The following GRIK4 variants were observed in gnomAD, a reference collection of about 807,000 sequenced individuals.
GRIK4 encodes the protein glutamate receptor ionotropic, kainate 4.
GRIK4 carries 40 observed loss-of-function variants against 104.9 expected under a neutral mutation model. The observed-to-expected ratio is 0.38, with a 90% confidence interval of 0.30 to 0.50. The LOEUF (loss-of-function observed/expected upper bound fraction) is 0.50, where lower values mean the gene tolerates loss of function less well. Among genes scored for constraint, GRIK4 ranks in the 20% least tolerant of loss-of-function variants. The probability of loss-of-function intolerance (pLI) is 0.93; values close to 1 mark genes in which losing one functional copy is unlikely to be tolerated. For missense variants in GRIK4, 1,047 were observed against 1,308.1 expected, an observed-to-expected ratio of 0.80 and a Z score of 3.08; for synonymous variants, 485 against 524.9, an observed-to-expected ratio of 0.92 and a Z score of 1.04.
chr11:120,819,853 G>C lies in GRIK4; in HGVS notation c.444G>C (p.Val148=). 6.2e-7 allele frequency: 1 copy of C among 1,613,968 alleles called. No homozygotes were observed. The highest frequency in any genetic ancestry group is 8.5e-7 in the Non-Finnish European group (1 of 1,179,838). Reference sequence around the variant, plus strand: ...ACCCCAGCAACACTGACATCAGCGTGGCTGTAGCTGGGATCCTGAACTTCT... The same window carrying C: ...ACCCCAGCAACACTGACATCAGCGTCGCTGTAGCTGGGATCCTGAACTTCT... ...NLHPSNTDIS[V]AVAGILNFFN... is the part of the protein sequence containing the mutation. Residue 148 remains valine, a synonymous_variant, in exon 6 of 21, where the codon GTG becomes GTC. Coordinates refer to ENST00000527524, the MANE Select transcript of GRIK4 (RefSeq NM_014619.5). This position sits in a 1 kb window ranked among gnomAD's most constrained non-coding sequence, Gnocchi z 4.3.
chr11:120,908,897 G>A (rs1313598143), intron 13 of GRIK4, among the ~76,000 whole-genome samples: 1 of 152,258 alleles, frequency 6.6e-6, no homozygotes, highest in Non-Finnish European at 1.5e-5. Flanking sequence ...GAGGTGCAAA[G>A]CATAAAATGT....
At chr11:120,836,001 T>G (rs567007463) in intron 7 of GRIK4, among the ~76,000 whole-genome samples, 3 of 152,168 alleles carry the variant, frequency 2.0e-5, no homozygotes, top group Non-Finnish European at 2.9e-5. Context: ...AGTTTGCAAA[T>G]GAGTCACTTG....
At chr11:120,732,674 GT>G (rs1431349342) in intron 3 of GRIK4, among the ~76,000 whole-genome samples, 1 of 152,038 alleles carries the variant, frequency 6.6e-6, no homozygotes, top group African/African-American at 2.4e-5. Context: ...TTGATTTGTA[GT>G]TTTATTCCAT....
At chr11:120,584,284 G>A (rs1264159572) in intron 1 of GRIK4, among the ~76,000 whole-genome samples, 1 of 152,162 alleles carries the variant, frequency 6.6e-6, no homozygotes, top group South Asian at 2.1e-4. Context: ...TGTTATAGAT[G>A]ACTGTATTAG....
intron 1 of GRIK4, among the ~76,000 whole-genome samples, chr11:120,635,798 C>G (rs1026899101): frequency 6.6e-6 from 1 of 152,158 alleles, no homozygotes; most frequent in African/African-American, 2.4e-5. Context: ...AACATTTTCA[C>G]AAAATTATAT....
At chr11:120,703,736 T>A (rs1950587150) in intron 3 of GRIK4, among the ~76,000 whole-genome samples, 1 of 152,202 alleles carries the variant, frequency 6.6e-6, no homozygotes, top group Non-Finnish European at 1.5e-5. Context: ...TTTGGACACT[T>A]AGATTGTACC....
intron 3 of GRIK4, among the ~76,000 whole-genome samples, chr11:120,678,395 G>A (rs535970671): frequency 3.2e-4 from 49 of 152,236 alleles, no homozygotes; most frequent in Middle Eastern, 3.4e-3. Context: ...ATTTATAGTC[G>A]CTTATTTATT....
Position 120,956,793 on chromosome 11 carries a change from G to C in GRIK4, c.1714G>C (p.Glu572Gln). Reference sequence around the variant, plus strand: ...TTTCTCCCACAGGTTGACGCCCTACGAGTGGTACAGCCCACACCCATGTGC... The same window carrying C: ...TTTCTCCCACAGGTTGACGCCCTACCAGTGGTACAGCCCACACCCATGTGC... Reference protein sequence around the residue: ...LFLVARLTPYEWYSPHPCAQG... With the variant: ...LFLVARLTPYQWYSPHPCAQG... The change falls in exon 16 of 21, where the codon GAG (glutamate) becomes CAG (glutamine). Residue 572 changes from glutamate to glutamine, a missense_variant. Around this residue, in one of 3 missense-constraint regions of GRIK4, gnomAD observed 440 missense variants for 652.3 expected, o/e 0.67. Transcript: ENST00000527524. The surrounding 1 kb of genome is among the most constrained non-coding windows in gnomAD (Gnocchi z 4.6). 6.3e-7 allele frequency: 1 copy of C among 1,594,940 alleles called. No individual in the cohort carries two copies. Among genetic ancestry groups the C allele is most frequent in the Non-Finnish European group, 8.6e-7 (1 of 1,167,586 alleles).
At chr11:120,632,305 C>T (rs1180238931) in intron 1 of GRIK4, among the ~76,000 whole-genome samples, 1 of 152,114 alleles carries the variant, frequency 6.6e-6, no homozygotes, top group Non-Finnish European at 1.5e-5. Flanking sequence ...GCCTTCAGAA[C>T]GGTGAGAAAT....
chr11:120,617,709 C>T (rs928736055), intron 1 of GRIK4, among the ~76,000 whole-genome samples: 1 of 152,172 alleles, frequency 6.6e-6, no homozygotes, highest in Admixed American at 6.5e-5. Context: ...ACCTCCCCCA[C>T]TCTTCCTCCT....
chr11:120,648,269 G>A (rs543588047), intron 1 of GRIK4, among the ~76,000 whole-genome samples: 3 of 152,358 alleles, frequency 2.0e-5, no homozygotes, highest in East Asian at 3.9e-4. Flanking sequence ...CAGAGGGAAG[G>A]TGATGGGCCC....
At chr11:120,636,950 A>G (rs1435093649) in intron 1 of GRIK4, among the ~76,000 whole-genome samples, 5 of 152,204 alleles carry the variant, frequency 3.3e-5, no homozygotes, top group Non-Finnish European at 5.9e-5. Context: ...AGAGGTGTCT[A>G]TGAGTTTCCC....
intron 11 of GRIK4, among the ~76,000 whole-genome samples, chr11:120,896,771 G>A (rs1942594208): frequency 6.6e-6 from 1 of 152,252 alleles, no homozygotes; most frequent in South Asian, 2.1e-4. Context: ...CCAGAGCCCA[G>A]TTCTGCGGAA....
intron 3 of GRIK4, among the ~76,000 whole-genome samples, chr11:120,711,414 G>T (rs1311286025): frequency 6.6e-6 from 1 of 152,178 alleles, no homozygotes; most frequent in Non-Finnish European, 1.5e-5. Flanking sequence ...ACAGCCCAAG[G>T]TGTGCAGAGA....
chr11:120,951,460 C>A (rs1378444218), intron 14 of GRIK4, among the ~76,000 whole-genome samples: 1 of 152,200 alleles, frequency 6.6e-6, no homozygotes, highest in Non-Finnish European at 1.5e-5. Context: ...TTCTGGGAAA[C>A]CCAGTGTAAA....
intron 1 of GRIK4, among the ~76,000 whole-genome samples, chr11:120,552,886 G>C (rs2508655): frequency 0.4 from 60,047 of 151,556 alleles, 13,064 homozygotes; most frequent in Admixed American, 0.54. Flanking sequence ...TGTAATCCCA[G>C]CTACTCGGGA....
chr11:120,660,837 G>A (rs1165784766), intron 3 of GRIK4, among the ~76,000 whole-genome samples: 1 of 152,154 alleles, frequency 6.6e-6, no homozygotes, highest in Non-Finnish European at 1.5e-5. Context: ...GAGTCTGCTG[G>A]CGTGGCCTGG....
chr11:120,828,618 A>C (rs1359132885), intron 6 of GRIK4, among the ~76,000 whole-genome samples: 1 of 152,184 alleles, frequency 6.6e-6, no homozygotes, highest in African/African-American at 2.4e-5. Context: ...GTTGGCACTC[A>C]TGTCCCCAGA....
intron 11 of GRIK4, among the ~76,000 whole-genome samples, chr11:120,896,176 C>T (rs1360720834): frequency 1.3e-5 from 2 of 152,170 alleles, no homozygotes; most frequent in African/African-American, 4.8e-5. Context: ...CAAGCATGTG[C>T]AATTGAATGG....
Sources: allele counts gnomAD v4.1 joint callset (sites outside exome capture counted in the v4.1 genomes callset), GRCh38; gene constraint gnomAD v4.1.1; regional missense constraint gnomAD v4.1.1; non-coding constraint Gnocchi (gnomAD v3.1); transcripts MANE v1.5; gene names NCBI Gene and HGNC (gene_info 2026-07-23, HGNC 2026-07-21).